EEIG1: variants seen among roughly 807,000 people sequenced by gnomAD.
The protein encoded by EEIG1 is early estrogen-induced gene 1 protein.
the EEIG1 span, chr9:127,948,270 C>T: frequency 1.2e-6 from 2 of 1,612,750 alleles, no homozygotes; most frequent in South Asian, 1.1e-5. Context: ...TGCTTCAGGA[C>T]CAGATGAAAA....
the EEIG1 span, among the ~76,000 whole-genome samples, chr9:127,961,756 T>G: frequency 6.6e-6 from 1 of 151,008 alleles, no homozygotes; most frequent in South Asian, 2.1e-4. Flanking sequence ...AAGCAAAGAC[T>G]GAAGCGAGTG....
At chr9:127,973,933 C>T in the EEIG1 span, among the ~76,000 whole-genome samples, 1 of 152,164 alleles carries the variant, frequency 6.6e-6, no homozygotes, top group Non-Finnish European at 1.5e-5. This position sits in a 1 kb window ranked among gnomAD's most constrained non-coding sequence, Gnocchi z 4.2. Context: ...GCTGTAAAGC[C>T]CCTTGAGCCA....
chr9:127,966,368 G>A, the EEIG1 span, among the ~76,000 whole-genome samples: 1 of 151,594 alleles, frequency 6.6e-6, no homozygotes, highest in Non-Finnish European at 1.5e-5. Flanking sequence ...AGCTACTCAA[G>A]AGACTGGGAC....
the EEIG1 span, chr9:127,948,234 G>A: frequency 6.2e-7 from 1 of 1,613,818 alleles, no homozygotes; most frequent in South Asian, 1.1e-5. Context: ...GCCTTGGGAA[G>A]ACAGACAGGT....
chr9:127,969,833 C>T, the EEIG1 span, among the ~76,000 whole-genome samples: 3 of 152,250 alleles, frequency 2.0e-5, no homozygotes, highest in Non-Finnish European at 2.9e-5. Context: ...GGATCTCCTC[C>T]AGGCTTCCGG....
At chr9:127,979,567 G>C in the EEIG1 span, among the ~76,000 whole-genome samples, 2 of 152,190 alleles carry the variant, frequency 1.3e-5, no homozygotes, top group Admixed American at 6.5e-5. Context: ...GCCTGCGATC[G>C]GGCCTTCCCA....
At chr9:127,976,990 T>G in the EEIG1 span, among the ~76,000 whole-genome samples, 6,258 of 145,330 alleles carry the variant, frequency 0.043, 152 homozygotes, top group Middle Eastern at 0.076. The surrounding 1 kb of genome is among the most constrained non-coding windows in gnomAD (Gnocchi z 4.1). Flanking sequence ...CAGGCTGCAG[T>G]CCAGGGTGGG....
the EEIG1 span, among the ~76,000 whole-genome samples, chr9:127,947,452 AAC>A: frequency 6.6e-6 from 1 of 151,964 alleles, no homozygotes; most frequent in Non-Finnish European, 1.5e-5. Flanking sequence ...ATAAACAAAA[AAC>A]AGAGTGCCCA....
chr9:127,946,084 C>G, the EEIG1 span, among the ~76,000 whole-genome samples: 2 of 152,334 alleles, frequency 1.3e-5, no homozygotes, highest in Admixed American at 1.3e-4. Flanking sequence ...CTGGCCCAGT[C>G]TGGGGACAGG....
the EEIG1 span, chr9:127,950,630 G>C: frequency 6.5e-7 from 1 of 1,549,188 alleles, no homozygotes; most frequent in African/African-American, 1.4e-5. Flanking sequence ...AAAAGTTGGA[G>C]AGGGAGACAG....
the EEIG1 span, among the ~76,000 whole-genome samples, chr9:127,980,715 G>T: frequency 6.7e-6 from 1 of 150,064 alleles, no homozygotes; most frequent in Admixed American, 6.6e-5. Context: ...CAGGAGCTCG[G>T]GGGCCTCTCC....
At chr9:127,973,994 G>A in the EEIG1 span, among the ~76,000 whole-genome samples, 1 of 152,166 alleles carries the variant, frequency 6.6e-6, no homozygotes, top group Admixed American at 6.5e-5. This position sits in a 1 kb window ranked among gnomAD's most constrained non-coding sequence, Gnocchi z 4.2. Flanking sequence ...AAACAAATGG[G>A]AAATCTGATT....
chr9:127,959,406 G>T, the EEIG1 span, among the ~76,000 whole-genome samples: 52 of 152,344 alleles, frequency 3.4e-4, 1 homozygote, highest in African/African-American at 1.2e-3. Flanking sequence ...CTATAGAGTT[G>T]ATTATCTCAT....
chr9:127,958,951 A>G, the EEIG1 span, among the ~76,000 whole-genome samples: 3 of 152,242 alleles, frequency 2.0e-5, no homozygotes, highest in African/African-American at 7.2e-5. Flanking sequence ...TATTAGGGAA[A>G]TGAAAATCAA....
the EEIG1 span, among the ~76,000 whole-genome samples, chr9:127,949,233 G>A: frequency 3.5e-5 from 5 of 142,428 alleles, no homozygotes; most frequent in Non-Finnish European, 7.5e-5. Flanking sequence ...AGAATGGCAT[G>A]AACCTGGGAG....
chr9:127,944,931 G>A, the EEIG1 span: 18 of 1,601,724 alleles, frequency 1.1e-5, no homozygotes, highest in Admixed American at 5.0e-5. Flanking sequence ...AAGTCACAAC[G>A]GTCAGGGCAG....
the EEIG1 span, among the ~76,000 whole-genome samples, chr9:127,971,859 G>A: frequency 1.1e-4 from 17 of 152,304 alleles, no homozygotes; most frequent in Middle Eastern, 3.4e-3. Context: ...GAAATTCAGC[G>A]AGCAGAGAAG....
the EEIG1 span, among the ~76,000 whole-genome samples, chr9:127,975,593 T>C: frequency 2.0e-5 from 3 of 152,076 alleles, no homozygotes; most frequent in Admixed American, 1.3e-4. Flanking sequence ...CTCCTGTAAG[T>C]GGCCGTAGCA....
chr9:127,968,418 G>C, the EEIG1 span, among the ~76,000 whole-genome samples: 1 of 152,172 alleles, frequency 6.6e-6, no homozygotes, highest in South Asian at 2.1e-4. Context: ...CTGTCTCCCA[G>C]AGTGTGGAGG....
Sources: gnomAD v4.1 joint callset for allele counts (sites outside exome capture counted in the v4.1 genomes callset) on GRCh38, gnomAD v4.1.1 for gene constraint, Gnocchi (gnomAD v3.1) non-coding constraint, MANE v1.5 for transcripts, NCBI Gene and HGNC (gene_info 2026-07-23, HGNC 2026-07-21) for gene names.